Variants in CCDC88C observed in about 807,000 individuals in gnomAD.
CCDC88C encodes the protein protein Daple.
CCDC88C carries 131 observed loss-of-function variants against 198.8 expected under a neutral mutation model. The ratio of observed to expected loss-of-function variants is 0.66; its 90% CI spans 0.57 to 0.76. The LOEUF is 0.76. Ranked by LOEUF, CCDC88C falls within the 30% of genes least tolerant of loss-of-function variation. The pLI is 0.00. For synonymous variants in CCDC88C, 1,166 were observed against 1,114.7 expected, an observed-to-expected ratio of 1.05 and a Z score of -0.92; for missense variants, 2,553 against 2,631.6, an observed-to-expected ratio of 0.97 and a Z score of 0.65.
Position 91,321,104 on chromosome 14 carries a change from A to C in CCDC88C, c.1527+16T>G. 6.3e-7 allele frequency: 1 copy of C among 1,598,108 alleles called. No homozygotes were observed. The highest frequency in any genetic ancestry group is 8.5e-7 in the Non-Finnish European group (1 of 1,171,976). ...GGGTTCTGTGCTTCCCCGGTGGCCTAAGGAGGCCGAGGTACCTTCTTGCTG... is the reference window on the plus strand; with the variant it reads ...GGGTTCTGTGCTTCCCCGGTGGCCTCAGGAGGCCGAGGTACCTTCTTGCTG... On this transcript the variant is annotated intron_variant, in intron 13 of 29. Coordinates refer to ENST00000389857, the MANE Select transcript of CCDC88C (RefSeq NM_001080414.4).
chr14:91,353,491 C>CT (rs1893904986), intron 4 of CCDC88C, among the ~76,000 whole-genome samples: 1 of 152,214 alleles, frequency 6.6e-6, no homozygotes, highest in South Asian at 2.1e-4. Flanking sequence ...CAGAGGGGAG[C>CT]TAAAGGAGGG....
chr14:91,365,408 G>C (rs1038635371), intron 3 of CCDC88C, among the ~76,000 whole-genome samples: 11 of 152,218 alleles, frequency 7.2e-5, no homozygotes, highest in African/African-American at 2.7e-4. Flanking sequence ...ACATGACCCT[G>C]TATGGCTCCT....
intron 20 of CCDC88C, among the ~76,000 whole-genome samples, chr14:91,303,464 CCCAGGCTCTGCCTCTCCT>C (rs1891409420): frequency 6.6e-6 from 1 of 150,394 alleles, no homozygotes; most frequent in African/African-American, 2.5e-5. Context: ...CACCTCTCTC[CCCAGGCTCTGCCTCTCCT>C]CCAGGCTCCA....
chr14:91,378,016 G>C (rs1233627298), intron 3 of CCDC88C, among the ~76,000 whole-genome samples: 1 of 152,132 alleles, frequency 6.6e-6, no homozygotes, highest in East Asian at 1.9e-4. Context: ...GAGGAGAGTG[G>C]TACAGAATTG....
At position 91,319,049 on chromosome 14, in the gene CCDC88C, G is replaced by A. The variant is rs147511274; in HGVS notation, c.1527+2071C>T. 4.6e-5 allele frequency among the ~76,000 whole-genome samples: 7 copies of A among 152,216 alleles called. No individual in the cohort carries two copies. In the East Asian group the frequency reaches 1.4e-3, roughly 29 times the overall value. ...GAGGTTGGAGAGGGAAATTCAGGAT[G>A]AGCTGAGCTGGCTGAGGGTTGCCCA... On this transcript the variant is annotated intron_variant, in intron 13 of 29. Coordinates refer to ENST00000389857, the MANE Select transcript of CCDC88C (RefSeq NM_001080414.4).
intron 13 of CCDC88C, among the ~76,000 whole-genome samples, chr14:91,316,283 C>T (rs979481754): frequency 6.6e-6 from 1 of 152,220 alleles, no homozygotes; most frequent in Non-Finnish European, 1.5e-5. Context: ...GACAGCCACC[C>T]AGTGATCTCC....
intron 3 of CCDC88C, among the ~76,000 whole-genome samples, chr14:91,373,373 C>T (rs1450463012): frequency 3.3e-5 from 5 of 152,092 alleles, no homozygotes; most frequent in Admixed American, 2.6e-4. Flanking sequence ...TGCCTGGGGC[C>T]AAGCAGAACT....
chr14:91,350,913 T>C (rs568916924), intron 4 of CCDC88C, among the ~76,000 whole-genome samples: 3 of 152,258 alleles, frequency 2.0e-5, no homozygotes, highest in South Asian at 2.1e-4. Flanking sequence ...ATCTCAGAAA[T>C]AGAAGGATGC....
intron 29 of CCDC88C, among the ~76,000 whole-genome samples, chr14:91,276,593 A>G (rs1011152845): frequency 1.3e-5 from 2 of 152,226 alleles, no homozygotes; most frequent in African/African-American, 4.8e-5. Context: ...CCAAACACAC[A>G]CTTTCTTTTC....
intron 3 of CCDC88C, chr14:91,378,550 C>T (rs922561690): frequency 1.3e-5 from 2 of 152,762 alleles, no homozygotes; most frequent in Non-Finnish European, 2.9e-5. Flanking sequence ...TTGACAATAA[C>T]CTACAGCCAA....
intron 4 of CCDC88C, among the ~76,000 whole-genome samples, chr14:91,353,309 A>T (rs1893897963): frequency 6.6e-6 from 1 of 152,128 alleles, no homozygotes; most frequent in Non-Finnish European, 1.5e-5. Context: ...TCCTCCAGGA[A>T]GCCTTCCTGG....
chr14:91,368,853 C>G (rs2139922798), intron 3 of CCDC88C, among the ~76,000 whole-genome samples: 1 of 152,336 alleles, frequency 6.6e-6, no homozygotes, highest in East Asian at 1.9e-4. Context: ...GAATGCACCT[C>G]AACAACTTGA....
intron 4 of CCDC88C, among the ~76,000 whole-genome samples, chr14:91,356,214 C>T (rs1379257643): frequency 6.6e-6 from 1 of 152,224 alleles, no homozygotes; most frequent in Non-Finnish European, 1.5e-5. Context: ...TCTGCATCTT[C>T]CTGCTGGTGG....
At chr14:91,281,043 C>A in intron 27 of CCDC88C, 1 of 406,588 alleles carries the variant, frequency 2.5e-6, no homozygotes. Context: ...ATAACATGCT[C>A]GAATCCAATG....
At chr14:91,362,877 C>T (rs191294854) in intron 3 of CCDC88C, among the ~76,000 whole-genome samples, 8 of 151,220 alleles carry the variant, frequency 5.3e-5, no homozygotes, top group Admixed American at 5.3e-4. Context: ...TACAGTGAGC[C>T]GAGATTGGGC....
At chr14:91,287,274 CCTGT>C (rs1317779726) in intron 25 of CCDC88C, among the ~76,000 whole-genome samples, 1 of 152,076 alleles carries the variant, frequency 6.6e-6, no homozygotes, top group Non-Finnish European at 1.5e-5. Context: ...TCCTTCTCAC[CCTGT>C]CTTACGGTGC....
chr14:91,273,450 GT>G lies in CCDC88C; in HGVS notation c.5261del (p.Asn1754ThrfsTer4). On this transcript the variant is annotated frameshift_variant, in exon 30 of 30. Transcript: ENST00000389857. LOFTEE classifies it low-confidence loss of function (END_TRUNC). The surrounding 1 kb of genome is among the most constrained non-coding windows in gnomAD (Gnocchi z 5.6). ...GGGCCTCGGCCTCAGTCAGTCTGAA[GT>G]TTGGCTTTACGTACTGCCCGGGCTT... ...PLKPGQYVKP[N>X]FRLTEAEAPP... 2 of 1,589,310 alleles carry G rather than the reference GT, an allele frequency of 1.3e-6. No homozygotes were observed. The highest frequency in any genetic ancestry group is 1.7e-6 in the Non-Finnish European group (2 of 1,166,652).
chr14:91,388,228 C>G (rs1446865885), intron 3 of CCDC88C, among the ~76,000 whole-genome samples: 2 of 152,238 alleles, frequency 1.3e-5, no homozygotes, highest in African/African-American at 2.4e-5. Flanking sequence ...GTGAAGGGCC[C>G]TAACCAATGT....
chr14:91,417,707 C>G lies in CCDC88C; in HGVS notation c.-17G>C, dbSNP rs1429869083. 3.3e-6 allele frequency: 5 copies of G among 1,506,628 alleles called. No homozygotes were observed. The highest frequency in any genetic ancestry group is 4.2e-5 in the Admixed American group (2 of 47,776). The allele number at this position is 1,506,628 out of a possible 1,614,324, so 93.3% of individuals were successfully genotyped here. On this transcript the variant is annotated 5_prime_UTR_variant, in exon 1 of 30. Transcript: ENST00000389857. Reference sequence around the variant, plus strand: ...CACGTCCATGCTGAGGCTGCGCCCGCCGGCTCCGCGCCCCCCGCCCCGCGT... The same window carrying G: ...CACGTCCATGCTGAGGCTGCGCCCGGCGGCTCCGCGCCCCCCGCCCCGCGT...
Sources: gnomAD v4.1 joint callset for allele counts (sites outside exome capture counted in the v4.1 genomes callset) on GRCh38, gnomAD v4.1.1 for gene constraint, Gnocchi (gnomAD v3.1) non-coding constraint, MANE v1.5 for transcripts, NCBI Gene and HGNC (gene_info 2026-07-23, HGNC 2026-07-21) for gene names.